EYS: variants seen among roughly 807,000 people sequenced by gnomAD.
EYS encodes EGF-like photoreceptor maintenance factor.
EYS carries 250 observed loss-of-function variants against 282.1 expected under a neutral mutation model. The ratio of observed to expected loss-of-function variants is 0.89; its 90% CI spans 0.80 to 0.98. The LOEUF (loss-of-function observed/expected upper bound fraction) is 0.98. EYS is among the 50% of genes least tolerant of loss of function. The pLI is 0.00. For synonymous variants in EYS, 1,355 were observed against 1,282.9 expected (o/e 1.06, Z -1.20); for missense variants, 4,016 against 3,709.0 (o/e 1.08, Z -2.15).
intron 22 of EYS, among the ~76,000 whole-genome samples, chr6:64,691,559 T>C (rs2349514): frequency 0.68 from 103,491 of 151,984 alleles, 36,308 homozygotes; most frequent in Middle Eastern, 0.78. Context: ...ATTTGTTACA[T>C]GGGAATATAT....
chr6:64,930,546 T>C (rs1365228424), intron 15 of EYS, among the ~76,000 whole-genome samples: 2 of 151,502 alleles, frequency 1.3e-5, no homozygotes, highest in African/African-American at 2.4e-5. Flanking sequence ...TGTTAAGATA[T>C]ACATAAATAA....
At chr6:64,164,481 C>T (rs1437367849) in intron 31 of EYS, among the ~76,000 whole-genome samples, 11 of 152,042 alleles carry the variant, frequency 7.2e-5, no homozygotes, top group African/African-American at 1.2e-4. Flanking sequence ...ATGCTTAAAT[C>T]GTACTGGTAA....
chr6:64,903,347 GT>G (rs1767725414), intron 16 of EYS, among the ~76,000 whole-genome samples: 1 of 152,096 alleles, frequency 6.6e-6, no homozygotes, highest in Non-Finnish European at 1.5e-5. Context: ...CTAAATGTCA[GT>G]ATGCAATCAG....
chr6:64,010,119 C>T (rs1768539816), intron 33 of EYS, among the ~76,000 whole-genome samples: 1 of 152,186 alleles, frequency 6.6e-6, no homozygotes, highest in African/African-American at 2.4e-5. Flanking sequence ...TATGAACCTG[C>T]TGTGCTGGCA....
rs1768401837 is a variant in EYS at position 63,721,715 on chromosome 6, A to G, written c.8316T>C (p.Thr2772=). Residue 2772 remains threonine, a synonymous_variant, in exon 43 of 43, where the codon ACT becomes ACC. Transcript: ENST00000503581. The part of the protein sequence containing the change: ...NLGDRTIILE[T]LQKVTINGST... ...TTCCGTTTATAGTTACTTTTTGGAG[A>G]GTTTCTAGAATGATAGTTCTGTCGC... 3 of 1,551,066 alleles carry G rather than the reference A, an allele frequency of 1.9e-6. No individual in the cohort carries two copies. The highest frequency in any genetic ancestry group is 1.4e-5 in the African/African-American group (1 of 72,986).
At chr6:65,077,775 T>G (rs2150169775) in intron 12 of EYS, among the ~76,000 whole-genome samples, 1 of 152,214 alleles carries the variant, frequency 6.6e-6, no homozygotes, top group East Asian at 1.9e-4. Flanking sequence ...TAATTTCATT[T>G]ATTTGATCTT....
intron 19 of EYS, among the ~76,000 whole-genome samples, chr6:64,878,602 C>A (rs1766822033): frequency 6.7e-6 from 1 of 150,016 alleles, no homozygotes; most frequent in South Asian, 2.1e-4. Context: ...CATTCTCATT[C>A]TCTCTCTCTC....
chr6:64,644,942 C>T (rs1157748705), intron 22 of EYS, among the ~76,000 whole-genome samples: 2 of 152,232 alleles, frequency 1.3e-5, no homozygotes, highest in East Asian at 3.9e-4. Context: ...TTCCTGAACT[C>T]TTTTATTAGT....
At chr6:65,198,588 A>G (rs1349341348) in intron 12 of EYS, among the ~76,000 whole-genome samples, 1 of 152,100 alleles carries the variant, frequency 6.6e-6, no homozygotes, top group African/African-American at 2.4e-5. Context: ...TATGCAATAC[A>G]TGGGACCACC....
At chr6:64,845,876 C>T (rs781134810) in intron 19 of EYS, among the ~76,000 whole-genome samples, 144 of 152,054 alleles carry the variant, frequency 9.5e-4, no homozygotes, top group Non-Finnish European at 2.4e-4. Flanking sequence ...GAGGTAAATT[C>T]AATTTCTAAT....
At chr6:64,436,826 C>T (rs1582750598) in intron 27 of EYS, among the ~76,000 whole-genome samples, 1 of 151,724 alleles carries the variant, frequency 6.6e-6, no homozygotes, top group South Asian at 2.1e-4. Context: ...CCAAGTATCC[C>T]CAGGAAATAC....
At chr6:64,373,289 G>A (rs1480828068) in intron 29 of EYS, among the ~76,000 whole-genome samples, 2 of 152,074 alleles carry the variant, frequency 1.3e-5, no homozygotes, top group Non-Finnish European at 2.9e-5. Flanking sequence ...AGGTGTGCTT[G>A]GTTGAATGGC....
chr6:64,685,057 T>C (rs982498130), intron 22 of EYS, among the ~76,000 whole-genome samples: 1 of 152,028 alleles, frequency 6.6e-6, no homozygotes, highest in African/African-American at 2.4e-5. Flanking sequence ...TATAAAATGT[T>C]GAAAGCAAAG....
rs769256031 is a variant in EYS at position 65,164,887 on chromosome 6, A to G, written c.2024-107160T>C. On this transcript the variant is annotated intron_variant, in intron 12 of 42. Transcript: ENST00000503581. ...AATGTGTTCTGTCTTGTGTGCTTGT[A>G]TCTGTGTTCCCCTTCTTATAAGGAC... Among the ~76,000 whole-genome samples the G allele has an allele frequency of 4.0e-5, 6 of 151,324 alleles. No individual in the cohort carries two copies. In the East Asian group the frequency reaches 1.2e-3, roughly 30 times the overall value.
intron 31 of EYS, among the ~76,000 whole-genome samples, chr6:64,217,796 T>C (rs1437371787): frequency 6.6e-6 from 1 of 152,114 alleles, no homozygotes; most frequent in Non-Finnish European, 1.5e-5. Flanking sequence ...CCAAATCTTA[T>C]GAAAGTTAGA....
intron 41 of EYS, among the ~76,000 whole-genome samples, chr6:63,733,878 G>C (rs1014668977): frequency 6.6e-6 from 1 of 152,068 alleles, no homozygotes; most frequent in Non-Finnish European, 1.5e-5. Flanking sequence ...AAGCAAACTG[G>C]CTTCTTGCTC....
intron 5 of EYS, among the ~76,000 whole-genome samples, chr6:65,466,010 A>T (rs1236378590): frequency 6.6e-6 from 1 of 152,146 alleles, no homozygotes; most frequent in African/African-American, 2.4e-5. Context: ...ATAATAAATA[A>T]GAGAAAGAAA....
chr6:64,552,114 G>A (rs752720008), intron 26 of EYS, among the ~76,000 whole-genome samples: 35 of 152,048 alleles, frequency 2.3e-4, no homozygotes, highest in African/African-American at 7.7e-4. Context: ...CCTAGTTCAG[G>A]CCATGATAGG....
intron 31 of EYS, among the ~76,000 whole-genome samples, chr6:64,088,863 A>C (rs1453060648): frequency 6.6e-6 from 1 of 151,998 alleles, no homozygotes; most frequent in African/African-American, 2.4e-5. Flanking sequence ...TTAGCCTTCT[A>C]TAAAGGCCTT....
Sources: allele counts gnomAD v4.1 joint callset (sites outside exome capture counted in the v4.1 genomes callset), GRCh38; gene constraint gnomAD v4.1.1; transcripts MANE v1.5; gene names NCBI Gene and HGNC (gene_info 2026-07-23, HGNC 2026-07-21).